Variants in PDE3B observed in about 807,000 individuals in gnomAD.
The protein encoded by PDE3B is phosphodiesterase 3B.
Under a neutral mutation model 116.8 loss-of-function variants are expected in PDE3B, and 66 were observed. That is an observed-to-expected ratio of 0.56 (90% CI 0.46 to 0.69). PDE3B has a LOEUF of 0.69. PDE3B is among the 30% of genes least tolerant of loss of function. The pLI is 0.00. For missense variants in PDE3B, 1,384 were observed against 1,368.1 expected, an observed-to-expected ratio of 1.01 and a Z score of -0.18; for synonymous variants, 595 against 533.6, an observed-to-expected ratio of 1.12 and a Z score of -1.59.
intron 1 of PDE3B, 69 bp downstream of exon 1, chr11:14,645,122 GA>G: frequency 5.5e-6 from 5 of 911,578 alleles, no homozygotes; most frequent in Non-Finnish European, 7.1e-6. Flanking sequence ...TTTCCGAGTT[GA>G]ATTCGCTTAT....
At chr11:14,782,748 A>C (rs1209824237) in intron 2 of PDE3B, among the ~76,000 whole-genome samples, 1 of 152,224 alleles carries the variant, frequency 6.6e-6, no homozygotes, top group African/African-American at 2.4e-5. Flanking sequence ...ACAAAAGCCA[A>C]AGTTGACAAA....
chr11:14,748,468 A>G (rs980954011), intron 1 of PDE3B, among the ~76,000 whole-genome samples: 4 of 152,198 alleles, frequency 2.6e-5, no homozygotes, highest in African/African-American at 9.7e-5. Flanking sequence ...CACATAATAT[A>G]TTAACTTGAT....
intron 5 of PDE3B, among the ~76,000 whole-genome samples, chr11:14,814,657 T>C (rs1859260301): frequency 6.6e-6 from 1 of 152,106 alleles, no homozygotes; most frequent in Non-Finnish European, 1.5e-5. Context: ...ATAACCTCTT[T>C]ATTGAAAAAA....
At chr11:14,779,288 C>A (rs1183536883) in intron 2 of PDE3B, among the ~76,000 whole-genome samples, 1 of 152,052 alleles carries the variant, frequency 6.6e-6, no homozygotes, top group Non-Finnish European at 1.5e-5. Flanking sequence ...GCAAGGAAGG[C>A]CAACATTCAA....
At chr11:14,883,772 T>C in the PDE3B span, among the ~76,000 whole-genome samples, 10 of 152,092 alleles carry the variant, frequency 6.6e-5, no homozygotes, top group South Asian at 4.1e-4. Flanking sequence ...AGAAAATTTT[T>C]GCAACCTACT....
chr11:14,668,016 T>C (rs1854233505), intron 1 of PDE3B, among the ~76,000 whole-genome samples: 1 of 151,704 alleles, frequency 6.6e-6, no homozygotes. Context: ...GGCCAAAAGC[T>C]TAATTAATGC....
intron 12 of PDE3B, among the ~76,000 whole-genome samples, chr11:14,845,763 A>G (rs1208586990): frequency 6.6e-6 from 1 of 152,248 alleles, no homozygotes; most frequent in Non-Finnish European, 1.5e-5. Context: ...AACGAATGAA[A>G]TGAAGCAAGA....
intron 1 of PDE3B, among the ~76,000 whole-genome samples, chr11:14,723,812 A>G (rs1250740927): frequency 1.3e-5 from 2 of 152,124 alleles, no homozygotes; most frequent in South Asian, 4.1e-4. Flanking sequence ...TTGAAGAGCA[A>G]TGGTATGCTT....
At chr11:14,768,772 G>A (rs1375443921) in intron 1 of PDE3B, among the ~76,000 whole-genome samples, 3 of 151,374 alleles carry the variant, frequency 2.0e-5, no homozygotes, top group African/African-American at 7.3e-5. Flanking sequence ...CACTAAAAAT[G>A]TCTCACCATT....
At chr11:14,884,784 T>TAAA in the PDE3B span, among the ~76,000 whole-genome samples, 1 of 152,118 alleles carries the variant, frequency 6.6e-6, no homozygotes, top group African/African-American at 2.4e-5. Flanking sequence ...ATAAAAACAG[T>TAAA]CTAAACAATA....
At chr11:14,891,853 G>GC in the PDE3B span, 1 of 1,414,658 alleles carries the variant, frequency 7.1e-7, no homozygotes, top group Non-Finnish European at 9.4e-7. Context: ...GTCCCTCAAA[G>GC]GGCAGCCGGC....
At chr11:14,890,943 A>G in the PDE3B span, 1 of 985,276 alleles carries the variant, frequency 1.0e-6, no homozygotes, top group Non-Finnish European at 1.2e-6. Context: ...TTTTCCTTCA[A>G]AACACTGACC....
chr11:14,660,093 A>G (rs980075212), intron 1 of PDE3B, among the ~76,000 whole-genome samples: 14 of 152,188 alleles, frequency 9.2e-5, no homozygotes, highest in Non-Finnish European at 1.9e-4. Flanking sequence ...TTAGGCAATT[A>G]AAATCCTCCG....
intron 1 of PDE3B, chr11:14,673,471 AC>A (rs752316763): frequency 8.0e-5 from 22 of 275,550 alleles, no homozygotes; most frequent in Non-Finnish European, 1.1e-4. Flanking sequence ...ACAGAAAAAA[AC>A]ATCAGTTGTT....
chr11:14,664,365 G>A (rs1316466913), intron 1 of PDE3B, among the ~76,000 whole-genome samples: 1 of 151,968 alleles, frequency 6.6e-6, no homozygotes, highest in Non-Finnish European at 1.5e-5. Flanking sequence ...AACTAGAAAA[G>A]CAAGAGCAAA....
At chr11:14,752,184 G>C (rs1332780686) in intron 1 of PDE3B, among the ~76,000 whole-genome samples, 1 of 152,128 alleles carries the variant, frequency 6.6e-6, no homozygotes, top group African/African-American at 2.4e-5. Context: ...TCATGTGCTA[G>C]TTCTCTCAGT....
the PDE3B span, among the ~76,000 whole-genome samples, chr11:14,884,019 A>C: frequency 6.6e-6 from 1 of 152,104 alleles, no homozygotes; most frequent in East Asian, 2.0e-4. Flanking sequence ...ATCATTAAAA[A>C]GTCAGGAAAC....
chr11:14,862,220 G>A (rs1441203323), intron 14 of PDE3B, among the ~76,000 whole-genome samples: 3 of 152,108 alleles, frequency 2.0e-5, no homozygotes, highest in African/African-American at 7.2e-5. Flanking sequence ...ATCACCTGAT[G>A]GTCACCTGAC....
At chr11:14,755,455 T>A (rs1208433312) in intron 1 of PDE3B, among the ~76,000 whole-genome samples, 1 of 152,184 alleles carries the variant, frequency 6.6e-6, no homozygotes, top group Non-Finnish European at 1.5e-5. Flanking sequence ...TATAAATACC[T>A]TGTAAGTGAG....
Sources: allele counts gnomAD v4.1 joint callset (sites outside exome capture counted in the v4.1 genomes callset), GRCh38; gene constraint gnomAD v4.1.1; transcripts MANE v1.5; gene names NCBI Gene and HGNC (gene_info 2026-07-23, HGNC 2026-07-21).